The following CDH4 variants were observed in gnomAD, a reference collection of about 807,000 sequenced individuals.
CDH4 encodes the protein cadherin 4.
In CDH4, 33 loss-of-function variants were observed where a neutral mutation model predicts 86.0. That is an observed-to-expected ratio of 0.38 (90% confidence interval 0.29 to 0.51). The LOEUF (loss-of-function observed/expected upper bound fraction) is 0.51, where lower values mean the gene tolerates loss of function less well. Ranked by LOEUF, CDH4 falls within the 20% of genes least tolerant of loss-of-function variation. The pLI is 0.86. For missense variants in CDH4, 1,114 were observed against 1,307.4 expected, an observed-to-expected ratio of 0.85 and a Z score of 2.28; for synonymous variants, 555 against 549.4, an observed-to-expected ratio of 1.01 and a Z score of -0.14.
chr20:61,404,090 G>A (rs559576829), intron 2 of CDH4, among the ~76,000 whole-genome samples: 40 of 152,276 alleles, frequency 2.6e-4, no homozygotes, highest in African/African-American at 9.1e-4. Flanking sequence ...CAGGAGCTGG[G>A]CACTGGGCAA....
At chr20:61,920,098 A>AGTG (rs2054956417) in intron 9 of CDH4, among the ~76,000 whole-genome samples, 1 of 77,708 alleles carries the variant, frequency 1.3e-5, no homozygotes. Context: ...GCGTGGAAGC[A>AGTG]TGTTGTGATT....
chr20:61,763,561 A>T (rs58473230), intron 3 of CDH4, among the ~76,000 whole-genome samples: 1 of 152,176 alleles, frequency 6.6e-6, no homozygotes, highest in Admixed American at 6.5e-5. Context: ...GGGACCTGCT[A>T]TCTGCATCTC....
chr20:61,429,605 G>C (rs1445083757), intron 2 of CDH4, among the ~76,000 whole-genome samples: 1 of 151,464 alleles, frequency 6.6e-6, no homozygotes, highest in Non-Finnish European at 1.5e-5. Flanking sequence ...ATAGATGGAT[G>C]GATTGGTGGG....
chr20:61,773,411 T>C (rs541783406), intron 4 of CDH4, among the ~76,000 whole-genome samples: 2 of 152,156 alleles, frequency 1.3e-5, no homozygotes, highest in Non-Finnish European at 2.9e-5. Flanking sequence ...ATTTCTCTCT[T>C]GGTTACTTTC....
chr20:61,797,439 C>A (rs1446650930), intron 4 of CDH4, among the ~76,000 whole-genome samples: 1 of 152,212 alleles, frequency 6.6e-6, no homozygotes, highest in African/African-American at 2.4e-5. Flanking sequence ...GCAGTCCTGG[C>A]TTACATGAAG....
At chr20:61,344,379 G>C (rs2084665452) in intron 2 of CDH4, among the ~76,000 whole-genome samples, 1 of 152,180 alleles carries the variant, frequency 6.6e-6, no homozygotes, top group East Asian at 1.9e-4. Context: ...TGGTCTGTCA[G>C]GCTTTTCTGT....
chr20:61,899,640 G>T (rs1371079892), intron 8 of CDH4, among the ~76,000 whole-genome samples: 1 of 152,152 alleles, frequency 6.6e-6, no homozygotes, highest in Non-Finnish European at 1.5e-5. Flanking sequence ...TGTTAGCCAG[G>T]ATGGTCTTGA....
intron 2 of CDH4, among the ~76,000 whole-genome samples, chr20:61,643,697 G>A (rs998087699): frequency 6.6e-6 from 1 of 152,226 alleles, no homozygotes; most frequent in Non-Finnish European, 1.5e-5. Flanking sequence ...CATTGGCCAC[G>A]GTGGCTCTTC....
At chr20:61,330,326 G>T (rs4812303) in intron 2 of CDH4, among the ~76,000 whole-genome samples, 90,814 of 151,766 alleles carry the variant, frequency 0.6, 27,171 homozygotes, top group Middle Eastern at 0.76. Context: ...TAATTTACAC[G>T]CCCACCAACA....
intron 2 of CDH4, among the ~76,000 whole-genome samples, chr20:61,696,500 C>T (rs1182002437): frequency 6.6e-6 from 1 of 152,220 alleles, no homozygotes; most frequent in East Asian, 1.9e-4. Flanking sequence ...GTGTACTGAG[C>T]GCCAGCTGTG....
intron 2 of CDH4, among the ~76,000 whole-genome samples, chr20:61,679,940 G>A (rs777123100): frequency 1.1e-4 from 17 of 152,174 alleles, no homozygotes; most frequent in Non-Finnish European, 2.2e-4. Context: ...AACTGCCCAG[G>A]GCCTCGGGTA....
chr20:61,722,634 C>T (rs868200055), intron 2 of CDH4, among the ~76,000 whole-genome samples: 6 of 141,098 alleles, frequency 4.3e-5, no homozygotes, highest in Non-Finnish European at 7.4e-5. Context: ...GGCGCCCCCC[C>T]ACCCCCCACG....
intron 2 of CDH4, among the ~76,000 whole-genome samples, chr20:61,353,696 CCT>C (rs2084729547): frequency 0.023 from 83 of 3,580 alleles, no homozygotes; most frequent in African/African-American, 0.052. Context: ...CTCCTCCTCC[CCT>C]CCTCCTCCTC....
At chr20:61,820,408 C>A (rs1980957392) in intron 4 of CDH4, among the ~76,000 whole-genome samples, 1 of 152,264 alleles carries the variant, frequency 6.6e-6, no homozygotes, top group African/African-American at 2.4e-5. Context: ...GGCCTCCGGG[C>A]ACCTGCCCAC....
chr20:61,260,470 T>C (rs1455441348), intron 2 of CDH4, among the ~76,000 whole-genome samples: 7 of 152,350 alleles, frequency 4.6e-5, no homozygotes, highest in Admixed American at 4.6e-4. Context: ...TCAGGAGTTA[T>C]GTATTGGGGG....
At chr20:61,865,443 T>C (rs1226068194) in intron 6 of CDH4, among the ~76,000 whole-genome samples, 1 of 151,976 alleles carries the variant, frequency 6.6e-6, no homozygotes, top group Admixed American at 6.5e-5. Context: ...GGTTTGTGTA[T>C]GTAATGGGTT....
At position 61,666,195 on chromosome 20, in the gene CDH4, A is replaced by T. The variant is rs144331508; in HGVS notation, c.170-77368A>T. Among the ~76,000 whole-genome samples the T allele has an allele frequency of 8.0e-3, 1,217 of 152,308 alleles. 9 individuals are homozygous for T. Among genetic ancestry groups the T allele is most frequent in the Non-Finnish European group, 0.011 (761 of 68,018 alleles). ...AGGCTATTCTTGATTTTCCCTGCCA[A>T]AAAGTGGGGTGGCTGTTGCCACACT... is the stretch of plus-strand genomic sequence containing the variant. On this transcript the variant is annotated intron_variant, in intron 2 of 15. Coordinates refer to ENST00000614565, the MANE Select transcript of CDH4 (RefSeq NM_001794.5).
chr20:61,298,887 C>T (rs1018759262), intron 2 of CDH4, among the ~76,000 whole-genome samples: 7 of 151,532 alleles, frequency 4.6e-5, no homozygotes, highest in African/African-American at 1.7e-4. Flanking sequence ...AAATGGTTTG[C>T]CAAACTCAGG....
intron 2 of CDH4, among the ~76,000 whole-genome samples, chr20:61,369,083 C>A (rs965908234): frequency 6.6e-6 from 1 of 152,030 alleles, no homozygotes. Context: ...AATGTATAGA[C>A]CGATTAAATC....
Sources: gnomAD v4.1 joint callset for allele counts (sites outside exome capture counted in the v4.1 genomes callset) on GRCh38, gnomAD v4.1.1 for gene constraint, MANE v1.5 for transcripts, NCBI Gene and HGNC (gene_info 2026-07-23, HGNC 2026-07-21) for gene names.